ARK2C: variants seen among roughly 807,000 people sequenced by gnomAD.
ARK2C encodes arkadia (RNF111) C-terminal like ring finger ubiquitin ligase 2C.
chr18:46,391,345 GGAC>G, the ARK2C span, among the ~76,000 whole-genome samples: 39 of 152,222 alleles, frequency 2.6e-4, no homozygotes, highest in African/African-American at 9.2e-4. Flanking sequence ...TGGCCAAATG[GGAC>G]GACATTACAG....
At chr18:46,451,210 A>G in the ARK2C span, among the ~76,000 whole-genome samples, 1 of 152,136 alleles carries the variant, frequency 6.6e-6, no homozygotes, top group African/African-American at 2.4e-5. Context: ...ACAAATGGGA[A>G]AGCAAGGCAT....
the ARK2C span, among the ~76,000 whole-genome samples, chr18:46,406,433 GTCT>G: frequency 6.6e-6 from 1 of 152,218 alleles, no homozygotes; most frequent in African/African-American, 2.4e-5. Context: ...AGCCCTTCTG[GTCT>G]TCTTAATCCC....
At chr18:46,382,250 T>C in the ARK2C span, among the ~76,000 whole-genome samples, 1 of 152,034 alleles carries the variant, frequency 6.6e-6, no homozygotes. Context: ...GAGGCAGGGG[T>C]TGCTTAGATC....
At chr18:46,420,600 T>A in the ARK2C span, among the ~76,000 whole-genome samples, 1 of 152,242 alleles carries the variant, frequency 6.6e-6, no homozygotes, top group Non-Finnish European at 1.5e-5. Flanking sequence ...ATCTCAGCAC[T>A]TTGGGAGGCT....
chr18:46,415,525 C>CA, the ARK2C span, among the ~76,000 whole-genome samples: 16 of 148,136 alleles, frequency 1.1e-4, no homozygotes, highest in Non-Finnish European at 2.1e-4. Context: ...GGATCTGTCT[C>CA]AAAAAAAATA....
the ARK2C span, among the ~76,000 whole-genome samples, chr18:46,393,955 T>C: frequency 0.36 from 54,852 of 152,138 alleles, 10,471 homozygotes; most frequent in African/African-American, 0.51. Context: ...GGGGATCCTG[T>C]GGGATTCTGG....
chr18:46,435,323 C>T, the ARK2C span: 6 of 1,614,180 alleles, frequency 3.7e-6, no homozygotes, highest in African/African-American at 2.7e-5. Flanking sequence ...CCACCCCCAC[C>T]GCCTCCATCC....
chr18:46,433,561 G>A, the ARK2C span: 2 of 1,460,150 alleles, frequency 1.4e-6, no homozygotes, highest in East Asian at 2.4e-5. Flanking sequence ...TGAGGGGGCA[G>A]GGCCAGGGCG....
the ARK2C span, among the ~76,000 whole-genome samples, chr18:46,400,708 G>A: frequency 1.3e-5 from 2 of 152,134 alleles, no homozygotes; most frequent in Non-Finnish European, 2.9e-5. Context: ...ACAGCCTGTC[G>A]GGAAGCCTCT....
the ARK2C span, among the ~76,000 whole-genome samples, chr18:46,346,048 C>T: frequency 1.1e-4 from 16 of 152,242 alleles, no homozygotes; most frequent in Middle Eastern, 3.4e-3. Flanking sequence ...GTAAGTGGCA[C>T]GAGCTATGGC....
the ARK2C span, among the ~76,000 whole-genome samples, chr18:46,435,125 G>A: frequency 2.6e-5 from 4 of 152,170 alleles, no homozygotes; most frequent in Non-Finnish European, 4.4e-5. Context: ...AAGCTTCCTT[G>A]GAGTTTGTCA....
chr18:46,442,410 C>T, the ARK2C span, among the ~76,000 whole-genome samples: 1 of 152,046 alleles, frequency 6.6e-6, no homozygotes, highest in Non-Finnish European at 1.5e-5. Context: ...TTCTTTTTGA[C>T]CCTGGGTAAT....
At chr18:46,416,801 G>A in the ARK2C span, among the ~76,000 whole-genome samples, 1 of 152,234 alleles carries the variant, frequency 6.6e-6, no homozygotes, top group Non-Finnish European at 1.5e-5. Context: ...TTATGGTAGA[G>A]GCAGGAGACC....
At chr18:46,431,275 T>C in the ARK2C span, among the ~76,000 whole-genome samples, 1 of 152,220 alleles carries the variant, frequency 6.6e-6, no homozygotes, top group Non-Finnish European at 1.5e-5. Flanking sequence ...TTTCACTTTG[T>C]AATCAAACGA....
the ARK2C span, among the ~76,000 whole-genome samples, chr18:46,353,520 G>C: frequency 6.6e-6 from 1 of 152,160 alleles, no homozygotes; most frequent in Non-Finnish European, 1.5e-5. Context: ...ATGAATGCTA[G>C]TTTGCTCCCC....
the ARK2C span, chr18:46,336,590 A>C: frequency 1.3e-3 from 1,295 of 985,426 alleles, 43 homozygotes; most frequent in South Asian, 0.052. Context: ...TTGTAAAACT[A>C]TTAGAGAGTT....
the ARK2C span, among the ~76,000 whole-genome samples, chr18:46,414,889 T>C: frequency 6.6e-6 from 1 of 152,158 alleles, no homozygotes; most frequent in Admixed American, 6.5e-5. Context: ...CACAGCCTTG[T>C]GAATGGGGAG....
At chr18:46,416,906 G>T in the ARK2C span, among the ~76,000 whole-genome samples, 45 of 152,164 alleles carry the variant, frequency 3.0e-4, no homozygotes, top group Admixed American at 3.3e-4. Flanking sequence ...AGCCAGTCAC[G>T]TGGCCATGCC....
At chr18:46,355,764 TG>T in the ARK2C span, among the ~76,000 whole-genome samples, 1 of 152,168 alleles carries the variant, frequency 6.6e-6, no homozygotes, top group Non-Finnish European at 1.5e-5. Context: ...TGTGCACACA[TG>T]CCCCCTCAAG....
Sources: gnomAD v4.1 joint callset for allele counts (sites outside exome capture counted in the v4.1 genomes callset) on GRCh38, gnomAD v4.1.1 for gene constraint, MANE v1.5 for transcripts, NCBI Gene and HGNC (gene_info 2026-07-23, HGNC 2026-07-21) for gene names.